SLC22A16: variants seen among roughly 807,000 people sequenced by gnomAD.
SLC22A16 encodes the protein WUGSC:RG331P03.1.
SLC22A16 carries 53 observed loss-of-function variants against 52.9 expected under a neutral mutation model. That is an observed-to-expected ratio of 1.00 (90% CI 0.80 to 1.26). The LOEUF (loss-of-function observed/expected upper bound fraction) is 1.26. Ranked by LOEUF, SLC22A16 falls within the 50% of genes most tolerant of loss-of-function variation. The pLI, the probability that SLC22A16 is intolerant of heterozygous loss-of-function variation, is 0.00. For missense variants in SLC22A16, 726 were observed against 704.0 expected (o/e 1.03, Z -0.35); for synonymous variants, 291 against 268.8 (o/e 1.08, Z -0.81).
At chr6:110,425,175 T>C (rs1319757699) in intron 7 of SLC22A16, 90 bp from the exon 8 acceptor site, 1 of 1,557,098 alleles carries the variant, frequency 6.4e-7, no homozygotes, top group East Asian at 2.3e-5. Context: ...TTTCAGAGGG[T>C]AATGGATTTG....
At chr6:110,473,502 T>C (rs1288824999) in intron 1 of SLC22A16, among the ~76,000 whole-genome samples, 1 of 8,638 alleles carries the variant, frequency 1.2e-4, no homozygotes, top group African/African-American at 5.2e-4. Context: ...TTTTTTTTTT[T>C]TTTTTTTTTT....
chr6:110,427,247 C>CAAAAAAAA (rs71018390), intron 7 of SLC22A16, among the ~76,000 whole-genome samples: 3 of 60,574 alleles, frequency 5.0e-5, no homozygotes, highest in East Asian at 3.6e-4. Context: ...GACCCAATCT[C>CAAAAAAAA]AAAAAAAAAA....
intron 7 of SLC22A16, chr6:110,425,453 A>C: frequency 7.7e-7 from 1 of 1,297,370 alleles, no homozygotes; most frequent in Non-Finnish European, 1.0e-6. Context: ...GAAGACAAGT[A>C]ACTGAGCCCT....
chr6:110,435,911 G>A lies in SLC22A16; in HGVS notation c.1362C>T (p.Ile454=), dbSNP rs146340306. 35 of 1,613,962 alleles carry A rather than the reference G, an allele frequency of 2.2e-5. No homozygotes were observed. Among genetic ancestry groups the A allele is most frequent in the South Asian group, 5.5e-5 (5 of 91,046 alleles). The change falls in exon 6 of 8, where the codon ATC becomes ATT. Residue 454 remains isoleucine, a synonymous_variant. Coordinates refer to ENST00000368919, the MANE Select transcript of SLC22A16 (RefSeq NM_033125.4). The part of the protein sequence containing the change: ...VVTAMVGKFA[I]GAAFGLIYLY... The stretch of plus-strand genomic sequence containing the variant: ...GATAAATGAGGCCAAATGCTGCCCC[G>A]ATGGCAAATTTTCCAACCATAGCTG...
chr6:110,449,395 C>T (rs565309806), intron 2 of SLC22A16, among the ~76,000 whole-genome samples: 1 of 152,216 alleles, frequency 6.6e-6, no homozygotes, highest in South Asian at 2.1e-4. Context: ...GGGCTATTAA[C>T]TCCCCACCCA....
At chr6:110,442,161 A>G (rs1774991523) in intron 4 of SLC22A16, 83 bp downstream of exon 4, 3 of 1,369,658 alleles carry the variant, frequency 2.2e-6, no homozygotes, top group African/African-American at 1.5e-5. Flanking sequence ...CTTTTTCTCA[A>G]ATTCACACAG....
intron 1 of SLC22A16, among the ~76,000 whole-genome samples, chr6:110,458,190 A>G (rs1268130446): frequency 6.6e-6 from 1 of 152,140 alleles, no homozygotes; most frequent in Admixed American, 6.5e-5. Flanking sequence ...CAAACAGGGA[A>G]GGGCCCCCTG....
intron 6 of SLC22A16, 106 bp from the exon 7 acceptor site, chr6:110,431,376 G>T: frequency 1.0e-6 from 1 of 954,248 alleles, no homozygotes. Context: ...CAAGGATAAG[G>T]GTGGTCAGGC....
chr6:110,455,651 T>G (rs578117256), intron 2 of SLC22A16: 4 of 152,344 alleles, frequency 2.6e-5, no homozygotes, highest in South Asian at 4.1e-4. Flanking sequence ...ATGTAAATTT[T>G]TAAAAATATA....
At chr6:110,465,354 ATC>A (rs1776026844) in intron 1 of SLC22A16, among the ~76,000 whole-genome samples, 1 of 152,238 alleles carries the variant, frequency 6.6e-6, no homozygotes, top group South Asian at 2.1e-4. Flanking sequence ...GAGTGAAATT[ATC>A]TCTGTTCCCT....
chr6:110,435,781 G>T, intron 6 of SLC22A16, 71 bp downstream of exon 6: 1 of 1,163,800 alleles, frequency 8.6e-7, no homozygotes, highest in Non-Finnish European at 1.2e-6. Context: ...TACATGTAAA[G>T]GCCAAATACA....
intron 1 of SLC22A16, chr6:110,474,882 C>A: frequency 1.9e-6 from 1 of 516,118 alleles, no homozygotes; most frequent in Non-Finnish European, 3.9e-6. Context: ...ATAATTACCT[C>A]AGCTAATCCC....
At chr6:110,450,381 G>A (rs1000469367) in intron 2 of SLC22A16, among the ~76,000 whole-genome samples, 1 of 152,184 alleles carries the variant, frequency 6.6e-6, no homozygotes, top group Non-Finnish European at 1.5e-5. Context: ...GGAGGCCAAG[G>A]CAGGCAGATC....
intron 1 of SLC22A16, 53 bp from the exon 2 acceptor site, chr6:110,457,070 A>G (rs1347641105): frequency 1.3e-6 from 2 of 1,490,972 alleles, no homozygotes; most frequent in South Asian, 1.5e-5. Flanking sequence ...CTGAAAAAGA[A>G]CATAAGCAAA....
intron 1 of SLC22A16, among the ~76,000 whole-genome samples, chr6:110,475,632 C>T (rs1277358693): frequency 6.6e-6 from 1 of 152,118 alleles, no homozygotes; most frequent in Non-Finnish European, 1.5e-5. Flanking sequence ...AGGAAACTGA[C>T]ACACAAAGTA....
chr6:110,440,070 A>T (rs1025749047), intron 4 of SLC22A16: 5 of 152,226 alleles, frequency 3.3e-5, no homozygotes, highest in Non-Finnish European at 1.5e-5. Context: ...GTAGAAACAG[A>T]TCTGATCAGC....
Position 110,435,979 on chromosome 6 carries a change from G to A in SLC22A16, c.1312-18C>T, listed in dbSNP as rs747778712. On this transcript the variant is annotated intron_variant, in intron 5 of 7. Coordinates refer to ENST00000368919, the MANE Select transcript of SLC22A16 (RefSeq NM_033125.4). ...TAATGTTTCTGAAAAAAATTTAGCA[G>A]AATAGATCATCACAAGTGGTATTTT... 3.3e-6 allele frequency: 5 copies of A among 1,498,640 alleles called. No homozygotes were observed. The African/African-American group carries it at 6.9e-5, about 21-fold the overall frequency. 92.8% of individuals were successfully genotyped at this position (1,498,640 alleles called of 1,614,324 possible).
At chr6:110,440,068 A>T (rs941239660) in intron 4 of SLC22A16, 3 of 152,248 alleles carry the variant, frequency 2.0e-5, no homozygotes, top group Middle Eastern at 3.2e-3. Flanking sequence ...GCGTAGAAAC[A>T]GATCTGATCA....
intron 1 of SLC22A16, chr6:110,475,795 C>T (rs1776444490): frequency 5.0e-6 from 2 of 400,906 alleles, no homozygotes; most frequent in African/African-American, 2.1e-5. Flanking sequence ...AGTGAACGAA[C>T]GAATGAATAA....
Sources: gnomAD v4.1 joint callset for allele counts (sites outside exome capture counted in the v4.1 genomes callset) on GRCh38, gnomAD v4.1.1 for gene constraint, MANE v1.5 for transcripts, NCBI Gene and HGNC (gene_info 2026-07-23, HGNC 2026-07-21) for gene names.